The following XKR4 variants were observed in gnomAD, a reference collection of about 807,000 sequenced individuals.
XKR4 encodes XK related 4.
XKR4 carries 12 observed loss-of-function variants against 53.9 expected under a neutral mutation model. That is an observed-to-expected ratio of 0.22 (90% CI 0.14 to 0.36). The LOEUF is 0.36. Among genes scored for constraint, XKR4 ranks in the 10% least tolerant of loss-of-function variants. The probability of loss-of-function intolerance (pLI) is 1.00; values close to 1 mark genes in which losing one functional copy is unlikely to be tolerated. For synonymous variants in XKR4, 354 were observed against 362.4 expected, an observed-to-expected ratio of 0.98 and a Z score of 0.26; for missense variants, 799 against 859.5, an observed-to-expected ratio of 0.93 and a Z score of 0.88.
intron 2 of XKR4, among the ~76,000 whole-genome samples, chr8:55,403,435 G>GT (rs2129390211): frequency 6.6e-6 from 1 of 152,294 alleles, no homozygotes; most frequent in Non-Finnish European, 1.5e-5. Flanking sequence ...TTCAAACTAT[G>GT]TTTTTTAGGC....
chr8:55,435,047 A>T (rs145943528), intron 2 of XKR4, among the ~76,000 whole-genome samples: 5 of 152,218 alleles, frequency 3.3e-5, no homozygotes, highest in African/African-American at 1.2e-4. Context: ...GCTTTTGGAA[A>T]CAGGGCCACT....
intron 2 of XKR4, among the ~76,000 whole-genome samples, chr8:55,494,956 A>T (rs1032753541): frequency 6.6e-6 from 1 of 152,166 alleles, no homozygotes; most frequent in African/African-American, 2.4e-5. Flanking sequence ...ACTTCCACCC[A>T]GGAACCTGTC....
intron 2 of XKR4, among the ~76,000 whole-genome samples, chr8:55,478,758 T>G (rs1246463619): frequency 6.6e-6 from 1 of 152,044 alleles, no homozygotes; most frequent in Non-Finnish European, 1.5e-5. Flanking sequence ...TCCTAGTCTC[T>G]GATAAAACAG....
At chr8:55,202,821 C>T (rs1179659756) in intron 1 of XKR4, among the ~76,000 whole-genome samples, 2 of 152,196 alleles carry the variant, frequency 1.3e-5, no homozygotes, top group Non-Finnish European at 2.9e-5. Context: ...CAAAGGCAAA[C>T]TTATTTTTCA....
chr8:55,412,857 G>T (rs1804795360), intron 2 of XKR4, among the ~76,000 whole-genome samples: 1 of 152,220 alleles, frequency 6.6e-6, no homozygotes, highest in African/African-American at 2.4e-5. Context: ...AACAATGGAG[G>T]GAGGAGAATC....
intron 1 of XKR4, among the ~76,000 whole-genome samples, chr8:55,128,049 A>T (rs1402574599): frequency 6.6e-6 from 1 of 152,116 alleles, no homozygotes; most frequent in Admixed American, 6.5e-5. Flanking sequence ...ATACGTGTGC[A>T]TGTGTCTTTA....
At position 55,132,563 on chromosome 8, in the gene XKR4, A is replaced by G. The variant is rs75915504; in HGVS notation, c.806+29269A>G. Among the ~76,000 whole-genome samples, 588 of 152,312 alleles carry G rather than the reference A, an allele frequency of 3.9e-3. 6 individuals carry two copies. Among genetic ancestry groups the G allele is most frequent in the African/African-American group, 0.014 (566 of 41,566 alleles). On this transcript the variant is annotated intron_variant, in intron 1 of 2. Coordinates refer to ENST00000327381, the MANE Select transcript of XKR4 (RefSeq NM_052898.2). ...AAAATATCTTACTGTACTGTACCAC[A>G]GGTAAGTGAAACCATGTACAGTGAA... is the stretch of plus-strand genomic sequence containing the variant.
intron 1 of XKR4, among the ~76,000 whole-genome samples, chr8:55,227,393 T>C (rs1057236645): frequency 1.3e-5 from 2 of 152,144 alleles, no homozygotes; most frequent in African/African-American, 2.4e-5. Context: ...CTGAGGGTGG[T>C]ACCAACACTT....
chr8:55,529,328 A>G lies in XKR4; in HGVS notation c.*5101A>G, dbSNP rs563544556. 2.6e-5 allele frequency: 4 copies of G among 152,158 alleles called. No individual in the cohort carries two copies. Among genetic ancestry groups the G allele is most frequent in the African/African-American group, 9.6e-5 (4 of 41,494 alleles). The allele number at this position is 152,158 out of a possible 1,614,324, so 9.4% of individuals were successfully genotyped here. ...CCTATATTCTGCTAAACAAGAGATGACTTAATGTCCTTGAAATATTTTCGT... is the reference window on the plus strand; with the variant it reads ...CCTATATTCTGCTAAACAAGAGATGGCTTAATGTCCTTGAAATATTTTCGT... On this transcript the variant is annotated 3_prime_UTR_variant, in exon 3 of 3. Coordinates refer to ENST00000327381, the MANE Select transcript of XKR4 (RefSeq NM_052898.2).
At chr8:55,449,174 T>TTATTTATG (rs1421640006) in intron 2 of XKR4, among the ~76,000 whole-genome samples, 1 of 151,994 alleles carries the variant, frequency 6.6e-6, no homozygotes, top group African/African-American at 2.4e-5. Flanking sequence ...ATTTATTTAT[T>TTATTTATG]TATTTATTTT....
At chr8:55,155,049 CTT>C (rs2129356134) in intron 1 of XKR4, among the ~76,000 whole-genome samples, 1 of 152,318 alleles carries the variant, frequency 6.6e-6, no homozygotes, top group South Asian at 2.1e-4. Context: ...AAACAGATGA[CTT>C]CTCTTCTTCA....
intron 2 of XKR4, among the ~76,000 whole-genome samples, chr8:55,475,303 C>T (rs1402206578): frequency 6.6e-6 from 1 of 152,122 alleles, no homozygotes; most frequent in African/African-American, 2.4e-5. Flanking sequence ...AGCCAAATTA[C>T]ACAACATACA....
intron 2 of XKR4, among the ~76,000 whole-genome samples, chr8:55,477,106 C>A (rs1304238107): frequency 1.6e-5 from 1 of 63,346 alleles, no homozygotes; most frequent in Non-Finnish European, 3.0e-5. Context: ...TCAAGTGGGT[C>A]CCTGACCCCG....
chr8:55,184,614 C>A (rs533528928), intron 1 of XKR4, among the ~76,000 whole-genome samples: 2 of 152,336 alleles, frequency 1.3e-5, no homozygotes, highest in South Asian at 4.1e-4. Flanking sequence ...ATTACATTGG[C>A]TCTTCTTTGG....
chr8:55,539,441 A>T lies in XKR4; in HGVS notation c.*15214A>T, dbSNP rs1056579478. On this transcript the variant is annotated 3_prime_UTR_variant, in exon 3 of 3. Transcript: ENST00000327381. ...GGAGCTGACATAAGATACGCACTCA[A>T]TATAATCTCTTCTGGATTCTAAAAT... The T allele has an allele frequency of 4.6e-5, 7 of 152,214 alleles. 1 individual carries two copies. The highest frequency in any genetic ancestry group is 1.7e-4 in the African/African-American group (7 of 41,456). The allele number at this position is 152,214 out of a possible 1,614,324, so 9.4% of individuals were successfully genotyped here. A position where few individuals can be genotyped will look rare whatever the true frequency, so the allele number is the denominator to read the frequency against.
At chr8:55,478,015 G>C (rs1235738303) in intron 2 of XKR4, among the ~76,000 whole-genome samples, 1 of 152,092 alleles carries the variant, frequency 6.6e-6, no homozygotes, top group African/African-American at 2.4e-5. Context: ...CCCCAATCTA[G>C]CAAGGCAGGT....
intron 1 of XKR4, among the ~76,000 whole-genome samples, chr8:55,254,306 A>T (rs559224454): frequency 1.3e-5 from 2 of 152,142 alleles, no homozygotes; most frequent in East Asian, 3.9e-4. Flanking sequence ...ACCTGAACAC[A>T]TTTTAAACAC....
intron 1 of XKR4, among the ~76,000 whole-genome samples, chr8:55,296,144 ATGT>A (rs1313782866): frequency 1.3e-5 from 2 of 152,132 alleles, no homozygotes; most frequent in African/African-American, 4.8e-5. Context: ...CCACCATGTG[ATGT>A]TGAAGGTGAC....
chr8:55,225,065 TA>T (rs1817935391), intron 1 of XKR4, among the ~76,000 whole-genome samples: 1 of 152,216 alleles, frequency 6.6e-6, no homozygotes, highest in Non-Finnish European at 1.5e-5. Flanking sequence ...AAACATAATA[TA>T]AAACTTACAT....
Sources: allele counts gnomAD v4.1 joint callset (sites outside exome capture counted in the v4.1 genomes callset), GRCh38; gene constraint gnomAD v4.1.1; transcripts MANE v1.5; gene names NCBI Gene and HGNC (gene_info 2026-07-23, HGNC 2026-07-21).